Variants in ELL observed in about 807,000 individuals in gnomAD.
ELL encodes the protein elongation factor for RNA polymerase II.
In ELL, 18 loss-of-function variants were observed where a neutral mutation model predicts 64.0. That is an observed-to-expected ratio of 0.28 (90% confidence interval 0.19 to 0.42). ELL has a LOEUF of 0.42. ELL is among the 10% of genes least tolerant of loss of function. The pLI is 1.00. For missense variants in ELL, 797 were observed against 870.4 expected (o/e 0.92, Z 1.06); for synonymous variants, 399 against 376.2 (o/e 1.06, Z -0.70).
At chr19:18,519,867 C>T (rs2144986309) in intron 1 of ELL, among the ~76,000 whole-genome samples, 1 of 151,562 alleles carries the variant, frequency 6.6e-6, no homozygotes, top group South Asian at 2.1e-4. Flanking sequence ...CTTAAATTAC[C>T]AGACAGCTTT....
chr19:18,488,091 T>C (rs969723879), intron 1 of ELL, among the ~76,000 whole-genome samples: 1 of 152,102 alleles, frequency 6.6e-6, no homozygotes, highest in African/African-American at 2.4e-5. Context: ...GGTGGGCCCA[T>C]CCTGAGAAAC....
intron 1 of ELL, among the ~76,000 whole-genome samples, chr19:18,477,952 A>G (rs1975214448): frequency 6.6e-6 from 1 of 152,174 alleles, no homozygotes; most frequent in Non-Finnish European, 1.5e-5. Flanking sequence ...TGATGAGAAC[A>G]CAAGGACTGG....
intron 6 of ELL, among the ~76,000 whole-genome samples, chr19:18,457,834 C>CA (rs895523181): frequency 4.6e-5 from 7 of 152,190 alleles, no homozygotes; most frequent in African/African-American, 1.2e-4. Flanking sequence ...AGGCTCTTTT[C>CA]AAAAAGTCAG....
chr19:18,494,854 C>G (rs2144958192), intron 1 of ELL, among the ~76,000 whole-genome samples: 1 of 152,322 alleles, frequency 6.6e-6, no homozygotes, highest in South Asian at 2.1e-4. Flanking sequence ...TGAGCTGGAG[C>G]CTCACCTTCC....
At chr19:18,460,494 T>C (rs1020897011) in intron 5 of ELL, among the ~76,000 whole-genome samples, 1 of 152,164 alleles carries the variant, frequency 6.6e-6, no homozygotes, top group African/African-American at 2.4e-5. Flanking sequence ...CCACATCTGA[T>C]GACTCCATCG....
In ELL at chr19:18,451,571, C is replaced by A. The variant is rs772723269; in HGVS notation, c.947G>T (p.Arg316Leu). Residue 316 changes from arginine (R) to leucine (L), a missense_variant, in exon 7 of 12, where the codon CGC (arginine) becomes CTC (leucine). By Grantham distance (102) the Arg-to-Leu change is moderately radical. Coordinates refer to ENST00000262809, the MANE Select transcript of ELL (RefSeq NM_006532.4). The stretch of plus-strand genomic sequence containing the variant: ...ACTTACCTGTGGGGGCGAGGCCGAG[C>A]GCCCACGCTCGCCTGGGGGGCTGGA... Reference protein sequence around the residue: ...AASSPPGERGRSASPPQKRLQ... With the variant: ...AASSPPGERGLSASPPQKRLQ... The A allele has an allele frequency of 6.7e-6, 10 of 1,488,682 alleles. No individual in the cohort carries two copies. The highest frequency in any genetic ancestry group is 2.0e-4 in the Middle Eastern group (1 of 4,942). 92.2% of individuals were successfully genotyped at this position (1,488,682 alleles called of 1,614,324 possible).
At chr19:18,453,908 T>G (rs1974595308) in intron 6 of ELL, among the ~76,000 whole-genome samples, 1 of 152,090 alleles carries the variant, frequency 6.6e-6, no homozygotes, top group Non-Finnish European at 1.5e-5. Context: ...TTCCACAGAT[T>G]ACATGTCAGC....
rs1183092212 is a variant in ELL, at chr19:18,498,775, C to A, written c.135+23146G>T. ...GACCAGCCTGGACAACATGGTGAAA[C>A]CCTGTCTCTACTAAAAATACAAAAA... On this transcript the variant is annotated intron_variant, in intron 1 of 11. Transcript: ENST00000262809. Among the ~76,000 whole-genome samples, 3 of 152,114 alleles carry A rather than the reference C, an allele frequency of 2.0e-5. No homozygotes were observed. In the East Asian group the frequency reaches 5.8e-4, roughly 29 times the overall value.
intron 2 of ELL, among the ~76,000 whole-genome samples, chr19:18,466,634 C>T (rs999661540): frequency 1.3e-5 from 2 of 152,214 alleles, no homozygotes; most frequent in African/African-American, 2.4e-5. Flanking sequence ...GCGCTGGTCC[C>T]GGCCAGGCTC....
At chr19:18,521,882 G>A in intron 1 of ELL, 39 bp downstream of exon 1, 1 of 1,544,930 alleles carries the variant, frequency 6.5e-7, no homozygotes, top group Non-Finnish European at 8.7e-7. Context: ...CCCGCGTCCG[G>A]ACGTTCCCCA....
intron 1 of ELL, among the ~76,000 whole-genome samples, chr19:18,474,970 A>G (rs1975146598): frequency 6.6e-6 from 1 of 152,198 alleles, no homozygotes; most frequent in Admixed American, 6.5e-5. Context: ...CTAAAAATAC[A>G]AAAATTAGCT....
At chr19:18,460,340 G>A (rs75445489) in intron 5 of ELL, among the ~76,000 whole-genome samples, 21,987 of 152,168 alleles carry the variant, frequency 0.14, 1,671 homozygotes, top group South Asian at 0.2. Flanking sequence ...CAGACGAGCT[G>A]TCCAGGGGAA....
intron 8 of ELL, 116 bp downstream of exon 8, chr19:18,450,361 C>G: frequency 6.8e-7 from 1 of 1,478,416 alleles, no homozygotes; most frequent in Non-Finnish European, 9.0e-7. Context: ...CCTGGGGCAA[C>G]AGGGTCCCCT....
At chr19:18,474,344 G>A (rs1478944334) in intron 1 of ELL, among the ~76,000 whole-genome samples, 2 of 152,196 alleles carry the variant, frequency 1.3e-5, no homozygotes, top group Non-Finnish European at 2.9e-5. Context: ...GGGAGGCACC[G>A]AGTGCCTCAC....
chr19:18,446,223 C>CAAGCAGGCCACT, intron 10 of ELL, 86 bp downstream of exon 10: 1 of 748,506 alleles, frequency 1.3e-6, no homozygotes, highest in East Asian at 3.5e-5. Flanking sequence ...CTGGGGCCAC[C>CAAGCAGGCCACT]AAGCTCGTGG....
At chr19:18,451,499 A>ACCTG in intron 7 of ELL, 53 bp downstream of exon 7, 1 of 1,381,098 alleles carries the variant, frequency 7.2e-7, no homozygotes, top group Non-Finnish European at 9.5e-7. Flanking sequence ...CTGATGCAGC[A>ACCTG]CAGAGTGCCC....
chr19:18,459,909 TGTGCAGTTTTTTTCAG>T (rs1212206473), intron 5 of ELL, among the ~76,000 whole-genome samples: 1 of 152,196 alleles, frequency 6.6e-6, no homozygotes, highest in Non-Finnish European at 1.5e-5. Context: ...GACATTACTG[TGTGCAGTTTTTTTCAG>T]GTTGGCAACA....
At chr19:18,452,286 C>G (rs188742006) in intron 6 of ELL, among the ~76,000 whole-genome samples, 2,668 of 152,318 alleles carry the variant, frequency 0.018, 78 homozygotes, top group African/African-American at 0.06. Context: ...TAGCGCCCCT[C>G]CAGGCCCTGC....
chr19:18,467,195 G>A (rs1568383474), intron 2 of ELL, among the ~76,000 whole-genome samples: 1 of 152,126 alleles, frequency 6.6e-6, no homozygotes, highest in African/African-American at 2.4e-5. Flanking sequence ...GGAAGAGTCT[G>A]GTCTGGGCTT....
Sources: allele counts gnomAD v4.1 joint callset (sites outside exome capture counted in the v4.1 genomes callset), GRCh38; gene constraint gnomAD v4.1.1; transcripts MANE v1.5; gene names NCBI Gene and HGNC (gene_info 2026-07-23, HGNC 2026-07-21).